Variants in ZSWIM5 observed in about 807,000 individuals in gnomAD.
The protein encoded by ZSWIM5 is zinc finger SWIM domain-containing protein 5.
In ZSWIM5, 55 loss-of-function variants were observed where a neutral mutation model predicts 119.6. That is an observed-to-expected ratio of 0.46 (90% CI 0.37 to 0.58). The LOEUF is 0.58. ZSWIM5 is among the 20% of genes least tolerant of loss of function. The probability of loss-of-function intolerance (pLI) is 0.00; values close to 1 mark genes in which losing one functional copy is unlikely to be tolerated. For missense variants in ZSWIM5, 1,193 were observed against 1,512.8 expected (o/e 0.79, Z 3.51); for synonymous variants, 537 against 606.9 (o/e 0.88, Z 1.69).
At chr1:45,110,686 A>G (rs938366035) in intron 1 of ZSWIM5, among the ~76,000 whole-genome samples, 9 of 152,248 alleles carry the variant, frequency 5.9e-5, no homozygotes, top group Non-Finnish European at 1.3e-4. Flanking sequence ...CAAAATCGAC[A>G]AGAAAAAGAA....
rs554391113 is a variant in ZSWIM5 at position 45,023,367 on chromosome 1, TTTC to T, written c.2450-2582_2450-2580del. On this transcript the variant is annotated intron_variant, in intron 11 of 13. Transcript: ENST00000359600. The stretch of plus-strand genomic sequence containing the variant: ...TAGCCTTTTCAGACTGGCTTTTTTC[TTTC>T]TTCTTCTTTTTTTTAACTTAAAGAC... 9.0e-4 allele frequency among the ~76,000 whole-genome samples: 137 copies of T among 152,252 alleles called. 1 individual carries two copies. Among genetic ancestry groups the T allele is most frequent in the African/African-American group, 3.0e-3 (126 of 41,574 alleles).
At chr1:45,022,009 G>C (rs899379861) in intron 11 of ZSWIM5, among the ~76,000 whole-genome samples, 10 of 100,954 alleles carry the variant, frequency 9.9e-5, no homozygotes, top group Non-Finnish European at 1.4e-4. Flanking sequence ...GTGACACAGT[G>C]AGACTCCGTC....
chr1:45,060,278 A>G (rs1337780105), intron 2 of ZSWIM5, 31 bp from the exon 3 acceptor site: 1 of 1,606,058 alleles, frequency 6.2e-7, no homozygotes, highest in East Asian at 2.2e-5. Flanking sequence ...GAAATGAATC[A>G]CCTGAGTTCA....
chr1:45,075,432 A>C (rs1186341477), intron 2 of ZSWIM5, among the ~76,000 whole-genome samples: 1 of 152,132 alleles, frequency 6.6e-6, no homozygotes, highest in Non-Finnish European at 1.5e-5. Flanking sequence ...TCTCTTACTG[A>C]ACTAACTCCT....
intron 5 of ZSWIM5, among the ~76,000 whole-genome samples, chr1:45,047,017 CAAA>C (rs35174853): frequency 4.2e-3 from 388 of 92,774 alleles, no homozygotes; most frequent in South Asian, 8.0e-3. Context: ...AACTCTGTCT[CAAA>C]AAAAAAAAAA....
intron 1 of ZSWIM5, among the ~76,000 whole-genome samples, chr1:45,160,752 T>C (rs1158029369): frequency 6.6e-6 from 1 of 150,956 alleles, no homozygotes; most frequent in Non-Finnish European, 1.5e-5. Flanking sequence ...CTTCCCAGGG[T>C]TCAAGCGATT....
At position 45,088,212 on chromosome 1, in the gene ZSWIM5, A is replaced by G. The variant is rs1316980849; in HGVS notation, c.621T>C (p.Thr207=). Residue 207 remains threonine (T), a synonymous_variant, in exon 2 of 14, where the codon ACT becomes ACC. Coordinates refer to ENST00000359600, the MANE Select transcript of ZSWIM5 (RefSeq NM_020883.2). This position sits in a 1 kb window ranked among gnomAD's most constrained non-coding sequence, Gnocchi z 4.2. ...CTGGTTCAGAGGCAGTGGCCAGCTC[A>G]GTTACTGTGCCACTCAGATGAAAGC... ...QVGFHLSGTV[T]ELATASEPAV... The G allele has an allele frequency of 6.2e-7, 1 of 1,610,342 alleles. No homozygotes were observed. Among genetic ancestry groups the G allele is most frequent in the Non-Finnish European group, 8.5e-7 (1 of 1,177,502 alleles).
At chr1:45,074,661 A>T (rs1291890780) in intron 2 of ZSWIM5, among the ~76,000 whole-genome samples, 1 of 151,776 alleles carries the variant, frequency 6.6e-6, no homozygotes, top group African/African-American at 2.4e-5. Flanking sequence ...TTAACTTTTC[A>T]AAAAACCAAC....
chr1:45,186,688 C>A (rs1646061323), intron 1 of ZSWIM5, among the ~76,000 whole-genome samples: 2 of 152,100 alleles, frequency 1.3e-5, no homozygotes, highest in South Asian at 4.1e-4. Flanking sequence ...TCACTGCAAC[C>A]TCTGCCTCCC....
At chr1:45,128,272 C>T (rs1031387699) in intron 1 of ZSWIM5, among the ~76,000 whole-genome samples, 6 of 152,144 alleles carry the variant, frequency 3.9e-5, no homozygotes, top group Non-Finnish European at 8.8e-5. Context: ...CAGCTCACTG[C>T]AGCCTCAACT....
intron 1 of ZSWIM5, among the ~76,000 whole-genome samples, chr1:45,122,843 G>C (rs1366517340): frequency 6.6e-6 from 1 of 152,158 alleles, no homozygotes; most frequent in Non-Finnish European, 1.5e-5. Context: ...CACCAAGGCT[G>C]AGTGGGGAGC....
At chr1:45,111,591 G>A (rs1239485922) in intron 1 of ZSWIM5, among the ~76,000 whole-genome samples, 2 of 152,244 alleles carry the variant, frequency 1.3e-5, no homozygotes, top group African/African-American at 4.8e-5. Flanking sequence ...ATTCCTTCTG[G>A]AGGCTCTAGG....
In ZSWIM5 at chr1:45,088,014, G is replaced by A. The variant is rs1553193307; in HGVS notation, c.819C>T (p.Phe273=). Residue 273 remains phenylalanine, a synonymous_variant, in exon 2 of 14, where the codon TTC becomes TTT. Coordinates refer to ENST00000359600, the MANE Select transcript of ZSWIM5 (RefSeq NM_020883.2). The surrounding 1 kb of genome is among the most constrained non-coding windows in gnomAD (Gnocchi z 4.2). The part of the protein sequence containing the change: ...KLRLPISETL[F]QMNRDQLQKF... ...TTTGTAGCTGGTCCCTATTCATCTG[G>A]AAAAGGGTTTCGGAGATAGGAAGAC... 1.2e-6 allele frequency: 2 copies of A among 1,614,182 alleles called. No homozygotes were observed. Among genetic ancestry groups the A allele is most frequent in the Non-Finnish European group, 1.7e-6 (2 of 1,180,020 alleles).
In ZSWIM5 at chr1:45,088,209, C is replaced by T; in HGVS notation, c.624G>A (p.Glu208=). The T allele has an allele frequency of 6.2e-7, 1 of 1,610,838 alleles. No homozygotes were observed. Among genetic ancestry groups the T allele is most frequent in the South Asian group, 1.1e-5 (1 of 90,572 alleles). Residue 208 remains glutamate, a synonymous_variant, in exon 2 of 14, where the codon GAG becomes GAA. Coordinates refer to ENST00000359600, the MANE Select transcript of ZSWIM5 (RefSeq NM_020883.2). This position sits in a 1 kb window ranked among gnomAD's most constrained non-coding sequence, Gnocchi z 4.2. ...CTGCTGGTTCAGAGGCAGTGGCCAG[C>T]TCAGTTACTGTGCCACTCAGATGAA... ...VGFHLSGTVT[E]LATASEPAVT... is the part of the protein sequence containing the mutation.
chr1:45,156,914 AAAGTT>A lies in ZSWIM5; in HGVS notation c.595+48837_595+48841del, dbSNP rs887895846. Among the ~76,000 whole-genome samples, 129 of 152,214 alleles carry A rather than the reference AAAGTT, an allele frequency of 8.5e-4. 1 individual carries two copies. Among genetic ancestry groups the A allele is most frequent in the African/African-American group, 3.1e-3 (127 of 41,560 alleles). ...AACAGAGACAATAAGAGAGTTCAGCAAAGTTAAAGCCTCAAAGCACAACCTCAGTT... is the reference window on the plus strand; with the variant it reads ...AACAGAGACAATAAGAGAGTTCAGCAAAAGCCTCAAAGCACAACCTCAGTT... On this transcript the variant is annotated intron_variant, in intron 1 of 13. Transcript: ENST00000359600.
At chr1:45,177,243 G>C (rs983203680) in intron 1 of ZSWIM5, among the ~76,000 whole-genome samples, 3 of 151,908 alleles carry the variant, frequency 2.0e-5, no homozygotes, top group African/African-American at 4.8e-5. Context: ...CACTGAAAAA[G>C]AAAAAAATTT....
intron 1 of ZSWIM5, among the ~76,000 whole-genome samples, chr1:45,133,222 T>A (rs13374526): frequency 0.021 from 3,142 of 152,308 alleles, 117 homozygotes; most frequent in African/African-American, 0.072. Flanking sequence ...TAGTTTACAG[T>A]CCCACCAACA....
rs369831555 is a variant in ZSWIM5, at chr1:45,060,084, C to T, written c.1101+15G>A. ...TTTGTCAACAACAAAAGAAAAACAC[C>T]TTTTCATATCTTACCTTGGCAAACA... On this transcript the variant is annotated intron_variant, in intron 3 of 13. Coordinates refer to ENST00000359600, the MANE Select transcript of ZSWIM5 (RefSeq NM_020883.2). 3 of 1,613,520 alleles carry T rather than the reference C, an allele frequency of 1.9e-6. No individual in the cohort carries two copies. The highest frequency in any genetic ancestry group is 2.7e-5 in the African/African-American group (2 of 74,838).
chr1:45,189,097 C>G (rs749099259), intron 1 of ZSWIM5, among the ~76,000 whole-genome samples: 1 of 152,126 alleles, frequency 6.6e-6, no homozygotes, highest in African/African-American at 2.4e-5. Flanking sequence ...GGCAGATCAC[C>G]TGAGGTCAGG....
Sources: gnomAD v4.1 joint callset for allele counts (sites outside exome capture counted in the v4.1 genomes callset) on GRCh38, gnomAD v4.1.1 for gene constraint, Gnocchi (gnomAD v3.1) non-coding constraint, MANE v1.5 for transcripts, NCBI Gene and HGNC (gene_info 2026-07-23, HGNC 2026-07-21) for gene names.